Variants in ATP10A observed in about 807,000 individuals in gnomAD.
The protein encoded by ATP10A is ATPase phospholipid transporting 10A (putative).
ATP10A carries 111 observed loss-of-function variants against 147.8 expected under a neutral mutation model. The observed-to-expected ratio is 0.75, with a 90% confidence interval of 0.64 to 0.88. The LOEUF (loss-of-function observed/expected upper bound fraction) is 0.88, where lower values mean the gene tolerates loss of function less well. ATP10A is among the 40% of genes least tolerant of loss of function. The pLI is 0.00. For synonymous variants in ATP10A, 875 were observed against 841.6 expected, an observed-to-expected ratio of 1.04 and a Z score of -0.69; for missense variants, 1,927 against 1,959.0, an observed-to-expected ratio of 0.98 and a Z score of 0.31.
At position 25,713,937 on chromosome 15, in the gene ATP10A, TC is replaced by T; in HGVS notation, c.2080del (p.Glu694ArgfsTer59). 1.2e-6 allele frequency: 2 copies of T among 1,611,746 alleles called. No individual in the cohort carries two copies. The highest frequency in any genetic ancestry group is 1.7e-6 in the Non-Finnish European group (2 of 1,180,018). ...TGCGGCCTCATCCGGGCTCTCCGCCTCGTACCGCAGCTCGCGCTCTGACTCC... is the reference window on the plus strand; with the variant it reads ...TGCGGCCTCATCCGGGCTCTCCGCCTGTACCGCAGCTCGCGCTCTGACTCC... ...EQESERELRYEAESPDEAALV... is the reference protein window; with the variant it reads ...EQESERELRYXAESPDEAALV... On this transcript the variant is annotated frameshift_variant, in exon 10 of 21. Transcript: ENST00000555815. LOFTEE classifies it high-confidence loss of function.
At chr15:25,849,319 C>T (rs1893175382) in intron 1 of ATP10A, among the ~76,000 whole-genome samples, 1 of 152,114 alleles carries the variant, frequency 6.6e-6, no homozygotes, top group Non-Finnish European at 1.5e-5. Context: ...ATTATCTAGC[C>T]CTGGGAGGGC....
chr15:25,694,859 C>A lies in ATP10A; in HGVS notation c.3048G>T (p.Lys1016Asn). ...TGGCCTTGAGCTTGCTCCGCACCAGCTTCACCACCATGCTCTTCTGCAGAG... is the reference window on the plus strand; with the variant it reads ...TGGCCTTGAGCTTGCTCCGCACCAGATTCACCACCATGCTCTTCTGCAGAG... ...STPLQKSMVV[K>N]LVRSKLKAMT... The change falls in exon 14 of 21, where the codon AAG becomes AAT. Residue 1016 changes from lysine (K) to asparagine (N), a missense_variant. Transcript: ENST00000555815. 1 of 1,614,016 alleles carries A rather than the reference C, an allele frequency of 6.2e-7. No homozygotes were observed. The highest frequency in any genetic ancestry group is 1.3e-5 in the African/African-American group (1 of 75,070).
intron 14 of ATP10A, among the ~76,000 whole-genome samples, chr15:25,692,665 G>C (rs914594586): frequency 6.6e-6 from 1 of 152,190 alleles, no homozygotes; most frequent in African/African-American, 2.4e-5. Context: ...AATCTGTACA[G>C]CTTTCCCCAG....
chr15:25,844,026 C>G (rs905359703), intron 1 of ATP10A, among the ~76,000 whole-genome samples: 1 of 152,148 alleles, frequency 6.6e-6, no homozygotes, highest in African/African-American at 2.4e-5. Flanking sequence ...GTGTTCAAGA[C>G]AAATCGAATA....
chr15:25,726,153 G>GA (rs1902534089), intron 4 of ATP10A, 71 bp from the exon 5 acceptor site: 2 of 1,543,878 alleles, frequency 1.3e-6, no homozygotes, highest in Non-Finnish European at 1.8e-6. Flanking sequence ...TGGATGGCGT[G>GA]GAGGGAATTC....
chr15:25,708,428 C>T, intron 10 of ATP10A, 128 bp from the exon 11 acceptor site: 1 of 740,122 alleles, frequency 1.4e-6, no homozygotes, highest in Non-Finnish European at 2.2e-6. Context: ...ATATAGAATT[C>T]AAAGCAAAAA....
chr15:25,815,705 CAT>C (rs1425581053), intron 1 of ATP10A, among the ~76,000 whole-genome samples: 1 of 135,290 alleles, frequency 7.4e-6, no homozygotes, highest in Non-Finnish European at 1.6e-5. Context: ...ATTTTCTGCA[CAT>C]GTGAAAAACT....
At chr15:25,721,551 T>C (rs1293696853) in intron 7 of ATP10A, 106 bp downstream of exon 7, 90 of 813,324 alleles carry the variant, frequency 1.1e-4, no homozygotes, top group Admixed American at 2.8e-4. Context: ...AGCGTGTGTG[T>C]GTGTGTGTGT....
chr15:25,759,115 C>G (rs953139167), intron 2 of ATP10A, among the ~76,000 whole-genome samples: 2 of 152,198 alleles, frequency 1.3e-5, no homozygotes, highest in Non-Finnish European at 2.9e-5. Context: ...AATGTGCACT[C>G]GCCATTGTTC....
At position 25,769,951 on chromosome 15, in the gene ATP10A, C is replaced by T. The variant is rs1889247209; in HGVS notation, c.654+11068G>A. On this transcript the variant is annotated intron_variant, in intron 2 of 20. Coordinates refer to ENST00000555815, the MANE Select transcript of ATP10A (RefSeq NM_024490.4). ...TGTCCTTAAAGAAGAGATCAGAACA[C>T]AGACATACACAGAGGGACGACCACC... 2.6e-5 allele frequency among the ~76,000 whole-genome samples: 4 copies of T among 152,284 alleles called. No homozygotes were observed. In the South Asian group the frequency reaches 8.3e-4, roughly 32 times the overall value.
chr15:25,721,942 C>G (rs376171991), intron 6 of ATP10A, 33 bp from the exon 7 acceptor site: 2 of 1,593,610 alleles, frequency 1.3e-6, no homozygotes, highest in South Asian at 2.2e-5. Flanking sequence ...GATGAATGAC[C>G]GTGAGGACCA....
chr15:25,832,241 C>T (rs1892389811), intron 1 of ATP10A, among the ~76,000 whole-genome samples: 1 of 152,222 alleles, frequency 6.6e-6, no homozygotes, highest in Non-Finnish European at 1.5e-5. Context: ...ACGCTGGTCT[C>T]AGCCTTGAAG....
Position 25,691,739 on chromosome 15 carries a change from T to G in ATP10A, c.3141A>C (p.Gly1047=), listed in dbSNP as rs1900047751. ...SMIQVADVGV[G]ISGQEGMQAV... ...CCTGCATACCCTCCTGGCCGGAGAT[T>G]CCCACACCCACATCTGCCACCTGGA... Residue 1047 remains glycine, a synonymous_variant, in exon 15 of 21, where the codon GGA becomes GGC. Transcript: ENST00000555815. 3 of 1,614,118 alleles carry G rather than the reference T, an allele frequency of 1.9e-6. No homozygotes were observed. The highest frequency in any genetic ancestry group is 2.5e-6 in the Non-Finnish European group (3 of 1,180,026).
intron 1 of ATP10A, among the ~76,000 whole-genome samples, chr15:25,852,019 T>C (rs747072507): frequency 1.3e-5 from 2 of 152,194 alleles, no homozygotes; most frequent in Non-Finnish European, 2.9e-5. Flanking sequence ...ACTAAACTTT[T>C]CAAATTCTTA....
At chr15:25,769,566 C>A (rs548498927) in intron 2 of ATP10A, among the ~76,000 whole-genome samples, 1 of 150,346 alleles carries the variant, frequency 6.7e-6, no homozygotes, top group African/African-American at 2.4e-5. Flanking sequence ...TGCAGCCAGC[C>A]GGGGAAGTGG....
intron 3 of ATP10A, among the ~76,000 whole-genome samples, chr15:25,730,533 T>C (rs892587073): frequency 5.3e-5 from 8 of 152,060 alleles, no homozygotes; most frequent in African/African-American, 1.9e-4. Context: ...ATCTAGCATC[T>C]GCTCTGTCCC....
intron 2 of ATP10A, among the ~76,000 whole-genome samples, chr15:25,774,153 G>A (rs1889486316): frequency 1.3e-5 from 2 of 151,762 alleles, no homozygotes; most frequent in South Asian, 2.1e-4. Context: ...TTTTACTTCT[G>A]GAATAAGAAA....
chr15:25,762,055 G>A (rs926675820), intron 2 of ATP10A, among the ~76,000 whole-genome samples: 38 of 152,068 alleles, frequency 2.5e-4, no homozygotes, highest in African/African-American at 8.9e-4. Context: ...AAATGACTCA[G>A]GGGTCGGTTC....
intron 2 of ATP10A, among the ~76,000 whole-genome samples, chr15:25,745,156 A>G (rs1165699879): frequency 6.6e-6 from 1 of 151,964 alleles, no homozygotes; most frequent in Non-Finnish European, 1.5e-5. Context: ...TGAAATCTCA[A>G]CTCTACTAAA....
Sources: allele counts gnomAD v4.1 joint callset (sites outside exome capture counted in the v4.1 genomes callset), GRCh38; gene constraint gnomAD v4.1.1; transcripts MANE v1.5; gene names NCBI Gene and HGNC (gene_info 2026-07-23, HGNC 2026-07-21).